The following PDE1C variants were observed in gnomAD, a reference collection of about 807,000 sequenced individuals.
PDE1C encodes dual specificity calcium/calmodulin-dependent 3',5'-cyclic nucleotide phosphodiesterase 1C.
Under a neutral mutation model 93.1 loss-of-function variants are expected in PDE1C, and 62 were observed. That is an observed-to-expected ratio of 0.67 (90% CI 0.54 to 0.82). PDE1C has a LOEUF of 0.82. PDE1C is among the 40% of genes least tolerant of loss of function. PDE1C has a pLI of 0.00. For missense variants in PDE1C, 742 were observed against 884.6 expected, an observed-to-expected ratio of 0.84 and a Z score of 2.04; for synonymous variants, 325 against 310.1, an observed-to-expected ratio of 1.05 and a Z score of -0.50.
Position 32,102,822 on chromosome 7 carries a change from A to G in PDE1C, c.308+66963T>C, listed in dbSNP as rs79810694. 6.5e-3 allele frequency among the ~76,000 whole-genome samples: 985 copies of G among 152,292 alleles called. 9 individuals carry two copies. Among genetic ancestry groups the G allele is most frequent in the African/African-American group, 0.022 (929 of 41,560 alleles). On this transcript the variant is annotated intron_variant, in intron 3 of 18. Coordinates refer to the PDE1C transcript ENST00000396193. ...GAGCAGGCCATGGAGAAGCTGGTTTATTATGGGCATTTTGCACTCTGTACA... is the reference window on the plus strand; with the variant it reads ...GAGCAGGCCATGGAGAAGCTGGTTTGTTATGGGCATTTTGCACTCTGTACA...
At chr7:31,692,509 G>A in the PDE1C span, 74 of 1,605,450 alleles carry the variant, frequency 4.6e-5, no homozygotes, top group Non-Finnish European at 5.7e-5. Flanking sequence ...CTAGACCCTC[G>A]TTGCAGCCAC....
At chr7:32,033,711 T>C (rs1385481512) in intron 2 of PDE1C, among the ~76,000 whole-genome samples, 1 of 152,034 alleles carries the variant, frequency 6.6e-6, no homozygotes, top group African/African-American at 2.4e-5. Context: ...AAGAGAGAAA[T>C]TGTCATGGCT....
intron 1 of PDE1C, among the ~76,000 whole-genome samples, chr7:32,277,639 A>G (rs1364205341): frequency 6.6e-6 from 1 of 152,236 alleles, no homozygotes; most frequent in African/African-American, 2.4e-5. Context: ...GCTTCGATGA[A>G]TAAAACAGAG....
intron 1 of PDE1C, among the ~76,000 whole-genome samples, chr7:32,340,882 T>C (rs1194095348): frequency 3.3e-5 from 5 of 151,992 alleles, no homozygotes; most frequent in Non-Finnish European, 5.9e-5. Flanking sequence ...CACAGAGGAT[T>C]TTTAGAACAG....
chr7:32,016,675 C>T (rs1787949968), intron 2 of PDE1C, among the ~76,000 whole-genome samples: 2 of 151,866 alleles, frequency 1.3e-5, no homozygotes, highest in Non-Finnish European at 2.9e-5. Context: ...TATTATGTAG[C>T]CATTAAGAAT....
chr7:32,082,965 C>T (rs10265284), intron 3 of PDE1C, among the ~76,000 whole-genome samples: 77,531 of 140,082 alleles, frequency 0.55, 18,517 homozygotes, highest in African/African-American at 0.67. Context: ...TCCAAAGGAA[C>T]GCAGTTCCTC....
intron 1 of PDE1C, among the ~76,000 whole-genome samples, chr7:32,270,114 C>A (rs900145523): frequency 2.3e-4 from 35 of 151,954 alleles, no homozygotes; most frequent in African/African-American, 6.8e-4. Flanking sequence ...GATTTTAAAA[C>A]AGAGTATAAA....
chr7:31,715,577 G>A, the PDE1C span, among the ~76,000 whole-genome samples: 1 of 152,172 alleles, frequency 6.6e-6, no homozygotes, highest in Admixed American at 6.5e-5. Flanking sequence ...TCTAATCATA[G>A]AATAACCCTC....
chr7:32,321,594 A>C (rs1287777742), intron 1 of PDE1C, among the ~76,000 whole-genome samples: 1 of 152,274 alleles, frequency 6.6e-6, no homozygotes, highest in Non-Finnish European at 1.5e-5. Context: ...TGTTCAATTA[A>C]TTAAAATCCA....
At chr7:31,647,002 A>G in the PDE1C span, among the ~76,000 whole-genome samples, 1 of 152,250 alleles carries the variant, frequency 6.6e-6, no homozygotes, top group Non-Finnish European at 1.5e-5. Flanking sequence ...ATAGAAAAAA[A>G]TACACTCAAA....
At chr7:32,066,812 C>A (rs1465856329) in intron 1 of PDE1C, among the ~76,000 whole-genome samples, 1 of 152,176 alleles carries the variant, frequency 6.6e-6, no homozygotes, top group Non-Finnish European at 1.5e-5. Flanking sequence ...AGAGATATGA[C>A]AACAGCTCAT....
At chr7:31,934,241 T>C (rs563250928) in intron 2 of PDE1C, among the ~76,000 whole-genome samples, 12 of 152,170 alleles carry the variant, frequency 7.9e-5, no homozygotes, top group African/African-American at 2.7e-4. Flanking sequence ...AAAGAGATGC[T>C]ATATTTGATG....
chr7:31,753,273 A>G lies in PDE1C; in HGVS notation c.*111T>C, dbSNP rs1583923138. ...CCTTGGTGGAGTCAACCAGGATAGT[A>G]CCTGCTCCAACAGCCTCCAAGGGTC... On this transcript the variant is annotated 3_prime_UTR_variant, in exon 18 of 18. Coordinates refer to ENST00000396191, the MANE Select transcript of PDE1C (RefSeq NM_001191057.4). 7.4e-7 allele frequency: 1 copy of G among 1,350,244 alleles called. No individual in the cohort carries two copies. Among genetic ancestry groups the G allele is most frequent in the Non-Finnish European group, 1.0e-6 (1 of 994,054 alleles). 83.6% of individuals were successfully genotyped at this position (1,350,244 alleles called of 1,614,324 possible). A position where few individuals can be genotyped will look rare whatever the true frequency, so the allele number is the denominator to read the frequency against.
chr7:31,720,487 T>C, the PDE1C span, among the ~76,000 whole-genome samples: 2 of 152,204 alleles, frequency 1.3e-5, no homozygotes, highest in Admixed American at 6.5e-5. Context: ...GGGTAATGTA[T>C]GGGTTTTAAT....
chr7:32,385,013 T>C (rs748261143), intron 1 of PDE1C, among the ~76,000 whole-genome samples: 13 of 152,102 alleles, frequency 8.5e-5, no homozygotes, highest in Admixed American at 3.3e-4. Context: ...GGATAAGTGA[T>C]GATGAGGAAG....
intron 2 of PDE1C, among the ~76,000 whole-genome samples, chr7:32,203,511 G>T (rs1188582712): frequency 6.6e-6 from 1 of 152,018 alleles, no homozygotes; most frequent in African/African-American, 2.4e-5. Context: ...ACAAAAATAC[G>T]AAGGGCCGCC....
the PDE1C span, among the ~76,000 whole-genome samples, chr7:31,724,347 C>A: frequency 1.1e-4 from 17 of 152,172 alleles, no homozygotes; most frequent in Non-Finnish European, 1.9e-4. Flanking sequence ...CTATCTATGT[C>A]CCCTCACCTC....
At chr7:32,293,808 G>T (rs1312233862) in intron 1 of PDE1C, among the ~76,000 whole-genome samples, 1 of 152,070 alleles carries the variant, frequency 6.6e-6, no homozygotes, top group Admixed American at 6.5e-5. Context: ...ATCCTTACTG[G>T]GTTCTTTGCT....
At chr7:32,157,218 C>G (rs911839781) in intron 3 of PDE1C, among the ~76,000 whole-genome samples, 1 of 148,972 alleles carries the variant, frequency 6.7e-6, no homozygotes, top group Non-Finnish European at 1.5e-5. Flanking sequence ...TTCTCTTCAA[C>G]CCCCCTCCCT....
Sources: gnomAD v4.1 joint callset for allele counts (sites outside exome capture counted in the v4.1 genomes callset) on GRCh38, gnomAD v4.1.1 for gene constraint, MANE v1.5 for transcripts, NCBI Gene and HGNC (gene_info 2026-07-23, HGNC 2026-07-21) for gene names.